Variants in RAB3IP observed in about 807,000 individuals in gnomAD.
RAB3IP encodes RAB3A interacting protein, also known as rab-3A-interacting protein.
A neutral mutation model predicts 59.1 loss-of-function variants in RAB3IP; 36 were observed. The observed-to-expected ratio is 0.61, with a 90% CI of 0.47 to 0.80. RAB3IP has a LOEUF of 0.80. Among genes scored for constraint, RAB3IP ranks in the 30% least tolerant of loss-of-function variants. The pLI is 0.00. For missense variants in RAB3IP, 511 were observed against 536.0 expected (o/e 0.95, Z 0.46); for synonymous variants, 207 against 191.2 (o/e 1.08, Z -0.68).
intron 8 of RAB3IP, among the ~76,000 whole-genome samples, chr12:69,809,843 A>T (rs1467901410): frequency 6.6e-6 from 1 of 152,164 alleles, no homozygotes; most frequent in Middle Eastern, 3.4e-3. Flanking sequence ...CATTGGTTCG[A>T]ACTTCCTCCT....
At chr12:69,792,380 A>G (rs1211570244) in intron 4 of RAB3IP, among the ~76,000 whole-genome samples, 1 of 152,202 alleles carries the variant, frequency 6.6e-6, no homozygotes, top group African/African-American at 2.4e-5. Flanking sequence ...GTGTTCATAA[A>G]TATTTATTAA....
intron 1 of RAB3IP, among the ~76,000 whole-genome samples, chr12:69,740,030 C>T (rs1845344120): frequency 6.6e-6 from 1 of 152,136 alleles, no homozygotes; most frequent in South Asian, 2.1e-4. Context: ...GCCTTGTAAT[C>T]TCTTGCAGTG....
chr12:69,803,813 A>G (rs1323436040), intron 8 of RAB3IP, among the ~76,000 whole-genome samples: 1 of 152,096 alleles, frequency 6.6e-6, no homozygotes, highest in Non-Finnish European at 1.5e-5. Context: ...CCATGTCCCT[A>G]CAAAGGACAT....
chr12:69,783,850 T>C (rs1277650467), intron 3 of RAB3IP, among the ~76,000 whole-genome samples: 2 of 152,222 alleles, frequency 1.3e-5, no homozygotes, highest in Admixed American at 1.3e-4. Context: ...ATTCTGAGAA[T>C]TATGGAGATT....
chr12:69,787,354 A>G (rs536646306), intron 4 of RAB3IP, among the ~76,000 whole-genome samples: 4 of 152,312 alleles, frequency 2.6e-5, no homozygotes, highest in Admixed American at 1.3e-4. Flanking sequence ...AGAAAAAAAG[A>G]TAGTAGTCTT....
chr12:69,786,994 A>G (rs1412889885), intron 4 of RAB3IP, among the ~76,000 whole-genome samples: 2 of 152,156 alleles, frequency 1.3e-5, no homozygotes, highest in East Asian at 1.9e-4. Flanking sequence ...AAAGCGCTCA[A>G]AGTTTTTATT....
chr12:69,750,138 C>CT (rs979936589), intron 1 of RAB3IP, among the ~76,000 whole-genome samples: 4 of 152,156 alleles, frequency 2.6e-5, no homozygotes, highest in Non-Finnish European at 4.4e-5. Flanking sequence ...TCTGACTACT[C>CT]TAAGCTGCAG....
chr12:69,778,950 G>A (rs1359529992), intron 3 of RAB3IP: 1 of 63,692 alleles, frequency 1.6e-5, no homozygotes, highest in Non-Finnish European at 2.9e-5. Context: ...CACCCAGTTC[G>A]AGCTTCCCGG....
chr12:69,751,753 G>T (rs11614988), intron 1 of RAB3IP, among the ~76,000 whole-genome samples: 32,435 of 151,882 alleles, frequency 0.21, 4,157 homozygotes, highest in Middle Eastern at 0.35. Flanking sequence ...TATTTATGTT[G>T]TTATGTTTTA....
At chr12:69,752,455 A>G (rs1391225085) in intron 1 of RAB3IP, among the ~76,000 whole-genome samples, 1 of 151,976 alleles carries the variant, frequency 6.6e-6, no homozygotes, top group Non-Finnish European at 1.5e-5. Context: ...TGTATTTTAC[A>G]TCTGTGCAGT....
chr12:69,808,235 A>G (rs374159214), intron 8 of RAB3IP, among the ~76,000 whole-genome samples: 1 of 152,232 alleles, frequency 6.6e-6, no homozygotes, highest in South Asian at 2.1e-4. Flanking sequence ...TTCTAGTTTG[A>G]TTGCACTGTG....
chr12:69,759,499 T>A (rs1267914601), intron 3 of RAB3IP, among the ~76,000 whole-genome samples: 1 of 151,984 alleles, frequency 6.6e-6, no homozygotes. Flanking sequence ...AGCTGTTGGG[T>A]ACACCTCCCA....
intron 1 of RAB3IP, 47 bp downstream of exon 1, chr12:69,739,078 C>T (rs1398600271): frequency 1.3e-5 from 2 of 151,680 alleles, no homozygotes; most frequent in East Asian, 1.9e-4. Flanking sequence ...AGAGCACCGC[C>T]CCCCTCGGCG....
In RAB3IP at chr12:69,817,136, TGAAA is replaced by T. The variant is rs1881213829; in HGVS notation, c.*1696_*1699del. ...CAAATCCAGGAGATACTGTACGGTT[TGAAA>T]GAAAGGTAATCAAATACTCAGAAAA... On this transcript the variant is annotated 3_prime_UTR_variant, in exon 11 of 11. Coordinates refer to ENST00000247833, the MANE Select transcript of RAB3IP (RefSeq NM_022456.5). 6.6e-6 allele frequency: 1 copy of T among 152,144 alleles called. No individual in the cohort carries two copies. Among genetic ancestry groups the T allele is most frequent in the Non-Finnish European group, 1.5e-5 (1 of 68,034 alleles). 9.4% of individuals were successfully genotyped at this position (152,144 alleles called of 1,614,324 possible).
At chr12:69,757,967 A>T (rs1268987791) in intron 3 of RAB3IP, among the ~76,000 whole-genome samples, 1 of 152,234 alleles carries the variant, frequency 6.6e-6, no homozygotes, top group South Asian at 2.1e-4. Context: ...ATTTAGAGAT[A>T]CTGTTTGGAT....
chr12:69,766,687 A>ATT (rs898735253), intron 3 of RAB3IP, among the ~76,000 whole-genome samples: 14 of 146,362 alleles, frequency 9.6e-5, no homozygotes, highest in African/African-American at 3.5e-4. Flanking sequence ...ATGCCCAGCT[A>ATT]TTTTTTTTTT....
chr12:69,756,263 G>C, intron 2 of RAB3IP, 142 bp from the exon 3 acceptor site: 1 of 759,304 alleles, frequency 1.3e-6, no homozygotes, highest in Non-Finnish European at 2.1e-6. Flanking sequence ...CTTGAAATGT[G>C]GCTGATATGA....
intron 8 of RAB3IP, among the ~76,000 whole-genome samples, chr12:69,804,037 T>C (rs898944726): frequency 3.3e-5 from 5 of 152,156 alleles, no homozygotes; most frequent in Non-Finnish European, 5.9e-5. Flanking sequence ...CTGGGTCAAA[T>C]GGTATTTCTA....
chr12:69,738,999 G>A lies in RAB3IP; in HGVS notation c.-58G>A, dbSNP rs555131951. ...TCTCTGCGGCTCTGTGAGCGCCCCT[G>A]AGCGCCGGCAGCGGCCGCGGTGGGT... On this transcript the variant is annotated 5_prime_UTR_variant, in exon 1 of 11. Transcript: ENST00000247833. The A allele has an allele frequency of 1.3e-5, 2 of 152,244 alleles. No homozygotes were observed. Among genetic ancestry groups the A allele is most frequent in the Non-Finnish European group, 2.9e-5 (2 of 68,072 alleles). The allele number at this position is 152,244 out of a possible 1,614,324, so 9.4% of individuals were successfully genotyped here.
Sources: gnomAD v4.1 joint callset for allele counts (sites outside exome capture counted in the v4.1 genomes callset) on GRCh38, gnomAD v4.1.1 for gene constraint, MANE v1.5 for transcripts, NCBI Gene and HGNC (gene_info 2026-07-23, HGNC 2026-07-21) for gene names.